KIFAP3: variants seen among roughly 807,000 people sequenced by gnomAD.
KIFAP3 encodes the protein kinesin-associated protein 3.
Under a neutral mutation model 106.5 loss-of-function variants are expected in KIFAP3, and 68 were observed. The ratio of observed to expected loss-of-function variants is 0.64; its 90% CI spans 0.53 to 0.78. The LOEUF is 0.78. Among genes scored for constraint, KIFAP3 ranks in the 30% least tolerant of loss-of-function variants. The pLI, the probability that KIFAP3 is intolerant of heterozygous loss-of-function variation, is 0.00. For synonymous variants in KIFAP3, 320 were observed against 311.5 expected, an observed-to-expected ratio of 1.03 and a Z score of -0.29; for missense variants, 780 against 941.8, an observed-to-expected ratio of 0.83 and a Z score of 2.25.
intron 2 of KIFAP3, among the ~76,000 whole-genome samples, chr1:170,053,310 G>C (rs773496950): frequency 3.7e-4 from 56 of 152,098 alleles, no homozygotes; most frequent in Non-Finnish European, 1.2e-4. Flanking sequence ...CCTCTTCGAG[G>C]AGAACTACAA....
rs71765962 is a variant in KIFAP3, at chr1:170,062,880, CT to C, written c.33-7445del. ...TTAGAAATAAACATTTATTTATAGTCTTTTTTTTTTAATCACTGGTTGGCAA... is the reference window on the plus strand; with the variant it reads ...TTAGAAATAAACATTTATTTATAGTCTTTTTTTTTAATCACTGGTTGGCAA... On this transcript the variant is annotated intron_variant, in intron 1 of 19. Transcript: ENST00000361580. 2.5e-3 allele frequency among the ~76,000 whole-genome samples: 380 copies of C among 149,106 alleles called. 4 individuals carry two copies. Among genetic ancestry groups the C allele is most frequent in the African/African-American group, 8.8e-3 (357 of 40,686 alleles).
chr1:169,985,030 A>G (rs1470397285), intron 11 of KIFAP3, among the ~76,000 whole-genome samples: 2 of 151,866 alleles, frequency 1.3e-5, no homozygotes, highest in African/African-American at 2.4e-5. Flanking sequence ...AAAGGTCACA[A>G]TGCAGGAAAA....
intron 3 of KIFAP3, chr1:170,041,830 C>A (rs1402716537): frequency 3.4e-6 from 5 of 1,472,082 alleles, no homozygotes; most frequent in Non-Finnish European, 4.5e-6. Flanking sequence ...GTCCTGCTGA[C>A]CCTTCCCAAT....
Position 169,934,296 on chromosome 1 carries a change from G to A in KIFAP3, c.2274-12515C>T, listed in dbSNP as rs536070526. Among the ~76,000 whole-genome samples, 7 of 152,102 alleles carry A rather than the reference G, an allele frequency of 4.6e-5. No individual in the cohort carries two copies. The East Asian group carries it at 5.8e-4, about 13-fold the overall frequency. The stretch of plus-strand genomic sequence containing the variant: ...TGGCCAATCGTTCTTTCCTTTTACC[G>A]TAGTGAGACTGAACTGTTTGTATAA... On this transcript the variant is annotated intron_variant, in intron 19 of 19. Transcript: ENST00000361580.
chr1:170,028,411 C>T lies in KIFAP3; in HGVS notation c.841+3475G>A, dbSNP rs1258190105. Among the ~76,000 whole-genome samples the T allele has an allele frequency of 2.6e-5, 4 of 152,168 alleles. No homozygotes were observed. The East Asian group carries it at 7.7e-4, about 29-fold the overall frequency. On this transcript the variant is annotated intron_variant, in intron 8 of 19. Coordinates refer to ENST00000361580, the MANE Select transcript of KIFAP3 (RefSeq NM_014970.4). ...GGAGTGCAATGGTGCGATCTTGGCT[C>T]ATTGCAACCTCCGCTCCCAGGTTCA...
intron 14 of KIFAP3, among the ~76,000 whole-genome samples, 165 bp from the exon 15 acceptor site, chr1:169,982,262 T>G (rs1666562922): frequency 6.6e-6 from 1 of 152,158 alleles, no homozygotes; most frequent in Non-Finnish European, 1.5e-5. Flanking sequence ...TTTCCATGTT[T>G]GCTGATGACA....
intron 12 of KIFAP3, among the ~76,000 whole-genome samples, chr1:169,984,016 T>C (rs1444049567): frequency 1.3e-5 from 2 of 151,878 alleles, no homozygotes; most frequent in African/African-American, 4.8e-5. Context: ...TAAAAGAATG[T>C]ATCATGATAT....
chr1:170,032,280 T>C (rs1440837385), intron 7 of KIFAP3: 2 of 214,720 alleles, frequency 9.3e-6, no homozygotes, highest in African/African-American at 4.6e-5. Flanking sequence ...AGAAACTATA[T>C]GTGAATATTT....
rs189516131 is a variant in KIFAP3 at position 170,035,921 on chromosome 1, G to A, written c.518-368C>T. On this transcript the variant is annotated intron_variant, in intron 5 of 19. Transcript: ENST00000361580. ...ACTGATTTTTTTCTTTTTAACATCT[G>A]ATTTAATGTATTTGATAATATGAAA... is the stretch of plus-strand genomic sequence containing the variant. Among the ~76,000 whole-genome samples the A allele has an allele frequency of 6.6e-3, 993 of 151,444 alleles. 11 individuals are homozygous for A. The highest frequency in any genetic ancestry group is 0.023 in the African/African-American group (941 of 41,312).
intron 19 of KIFAP3, 74 bp from the exon 20 acceptor site, chr1:169,921,855 T>G: frequency 9.7e-7 from 1 of 1,034,566 alleles, no homozygotes; most frequent in Non-Finnish European, 1.5e-6. Flanking sequence ...GAGGCCTACA[T>G]TTTTATACCA....
At chr1:170,039,133 A>G in intron 4 of KIFAP3, 100 bp downstream of exon 4, 1 of 579,798 alleles carries the variant, frequency 1.7e-6, no homozygotes, top group South Asian at 3.6e-5. Context: ...ATTTTTTAAA[A>G]ATACCACATG....
upstream of KIFAP3, among the ~76,000 whole-genome samples, chr1:170,077,382 A>G (rs192726903): frequency 3.9e-5 from 6 of 152,366 alleles, no homozygotes; most frequent in Non-Finnish European, 8.8e-5. Context: ...ACAGAAAGAC[A>G]ATAACAAAAT....
intron 17 of KIFAP3, among the ~76,000 whole-genome samples, chr1:169,963,647 C>T (rs988469350): frequency 1.3e-5 from 2 of 152,010 alleles, no homozygotes; most frequent in African/African-American, 2.4e-5. Flanking sequence ...TGCCTGCCAC[C>T]ACCACCTGGC....
At chr1:169,973,472 T>C (rs981903394) in intron 16 of KIFAP3, among the ~76,000 whole-genome samples, 10 of 149,968 alleles carry the variant, frequency 6.7e-5, no homozygotes, top group African/African-American at 2.4e-4. Context: ...ATTTGCATAC[T>C]TAGAAAAATC....
intron 3 of KIFAP3, among the ~76,000 whole-genome samples, chr1:170,043,826 T>C (rs915264938): frequency 5.9e-5 from 9 of 152,030 alleles, no homozygotes; most frequent in Non-Finnish European, 2.9e-5. Flanking sequence ...AAAATGGAAA[T>C]TGATGGGGTT....
intron 6 of KIFAP3, 123 bp downstream of exon 6, chr1:170,035,331 G>A (rs1669630176): frequency 9.2e-6 from 5 of 546,126 alleles, no homozygotes; most frequent in Non-Finnish European, 1.6e-5. Flanking sequence ...GAATTCAGCA[G>A]TAGAGCATAG....
chr1:170,066,388 T>C (rs1292339371), intron 1 of KIFAP3, among the ~76,000 whole-genome samples: 1 of 152,176 alleles, frequency 6.6e-6, no homozygotes, highest in Non-Finnish European at 1.5e-5. Context: ...TTTCTATTAC[T>C]AACATTAGAC....
chr1:170,003,365 T>C (rs536060235), intron 10 of KIFAP3, among the ~76,000 whole-genome samples: 13 of 152,302 alleles, frequency 8.5e-5, no homozygotes, highest in African/African-American at 2.9e-4. Flanking sequence ...TAAGTGAAAT[T>C]AAGGTGCTAT....
chr1:170,013,482 T>TATATATATATATATAAA (rs1180025386), intron 10 of KIFAP3, among the ~76,000 whole-genome samples: 1 of 119,066 alleles, frequency 8.4e-6, no homozygotes, highest in Non-Finnish European at 2.0e-5. Flanking sequence ...GACATACATA[T>TATATATATATATATAAA]ATATATATAT....
Sources: allele counts gnomAD v4.1 joint callset (sites outside exome capture counted in the v4.1 genomes callset), GRCh38; gene constraint gnomAD v4.1.1; transcripts MANE v1.5; gene names NCBI Gene and HGNC (gene_info 2026-07-23, HGNC 2026-07-21).